Variants in ACTN4 observed in about 807,000 individuals in gnomAD.
ACTN4 encodes alpha-actinin-4.
Under a neutral mutation model 114.2 loss-of-function variants are expected in ACTN4, and 18 were observed. That is an observed-to-expected ratio of 0.16 (90% CI 0.11 to 0.23). The LOEUF (loss-of-function observed/expected upper bound fraction) is 0.23. ACTN4 is among the 10% of genes least tolerant of loss of function. The pLI, the probability that ACTN4 is intolerant of heterozygous loss-of-function variation, is 1.00. For synonymous variants in ACTN4, 515 were observed against 506.3 expected, an observed-to-expected ratio of 1.02 and a Z score of -0.23; for missense variants, 722 against 1,262.9, an observed-to-expected ratio of 0.57 and a Z score of 6.49.
chr19:38,712,231 A>G (rs1832962858), intron 8 of ACTN4, among the ~76,000 whole-genome samples: 1 of 151,842 alleles, frequency 6.6e-6, no homozygotes, highest in African/African-American at 2.4e-5. Flanking sequence ...GGAAACAGCT[A>G]TTCCTAAAAC....
Position 38,724,711 on chromosome 19 carries a change from C to T in ACTN4, c.2010+146C>T. On this transcript the variant is annotated intron_variant, in intron 16 of 20. Coordinates refer to ENST00000252699, the MANE Select transcript of ACTN4 (RefSeq NM_004924.6). This position sits in a 1 kb window ranked among gnomAD's most constrained non-coding sequence, Gnocchi z 7.0. ...TCACCACCCAGGGGCCGTGATCACC[C>T]TGCGGGGTTAGGAGAGTCCACAGAG... The T allele has an allele frequency of 2.2e-6, 3 of 1,392,448 alleles. No homozygotes were observed. The highest frequency in any genetic ancestry group is 3.0e-6 in the Non-Finnish European group (3 of 1,011,094). 86.3% of individuals were successfully genotyped at this position (1,392,448 alleles called of 1,614,324 possible). A position where few individuals can be genotyped will look rare whatever the true frequency, so the allele number is the denominator to read the frequency against.
chr19:38,730,937 G>A lies in ACTN4; in HGVS notation c.*1505G>A. On this transcript the variant is annotated 3_prime_UTR_variant, in exon 21 of 21. Coordinates refer to ENST00000252699, the MANE Select transcript of ACTN4 (RefSeq NM_004924.6). The stretch of plus-strand genomic sequence containing the variant: ...AGGGAGCTCGCAGGACAGAGCCTGA[G>A]CCACCCTGTCCCTCCCACCTGGCTC... 2.6e-6 allele frequency: 4 copies of A among 1,550,516 alleles called. No homozygotes were observed. The highest frequency in any genetic ancestry group is 1.2e-5 in the South Asian group (1 of 84,076).
In ACTN4 at chr19:38,724,277, C is replaced by T; in HGVS notation, c.1813C>T (p.Leu605=). 1 of 1,613,954 alleles carries T rather than the reference C, an allele frequency of 6.2e-7. No individual in the cohort carries two copies. Among genetic ancestry groups the T allele is most frequent in the African/African-American group, 1.3e-5 (1 of 75,068 alleles). The change falls in exon 15 of 21, where the codon CTG becomes TTG. Residue 605 remains leucine (L), a synonymous_variant. Coordinates refer to ENST00000252699, the MANE Select transcript of ACTN4 (RefSeq NM_004924.6). This position sits in a 1 kb window ranked among gnomAD's most constrained non-coding sequence, Gnocchi z 7.0. The part of the protein sequence containing the change: ...QRIAESNHIK[L]SGSNPYTTVT... ...GATCGCTGAGAGCAACCACATCAAG[C>T]TGTCGGGCAGCAACCCCTACACCAC...
intron 12 of ACTN4, chr19:38,721,903 T>A: frequency 1.4e-6 from 1 of 697,842 alleles, no homozygotes; most frequent in Non-Finnish European, 2.5e-6. Context: ...CCTGAAGGAT[T>A]TGGATTCTCT....
chr19:38,730,619 T>A lies in ACTN4; in HGVS notation c.*1187T>A. The A allele has an allele frequency of 3.3e-6, 2 of 605,270 alleles. No homozygotes were observed. The highest frequency in any genetic ancestry group is 3.9e-5 in the South Asian group (2 of 51,400). 37.5% of individuals were successfully genotyped at this position (605,270 alleles called of 1,614,324 possible). ...GGGCAGAGCTAGCACTGTCTTAAGC[T>A]GTCAACGTGGACTAGCTCGTGTCAT... On this transcript the variant is annotated 3_prime_UTR_variant, in exon 21 of 21. Transcript: ENST00000252699.
intron 1 of ACTN4, among the ~76,000 whole-genome samples, chr19:38,649,631 G>A (rs1976499375): frequency 6.6e-6 from 1 of 152,122 alleles, no homozygotes; most frequent in African/African-American, 2.4e-5. Flanking sequence ...TGAAGGTTTG[G>A]GAGAGTGAGT....
chr19:38,667,060 C>T (rs1423168536), intron 1 of ACTN4, among the ~76,000 whole-genome samples: 1 of 152,094 alleles, frequency 6.6e-6, no homozygotes, highest in Non-Finnish European at 1.5e-5. Context: ...TTAAGGTGCT[C>T]ATTAAAAGTG....
intron 1 of ACTN4, among the ~76,000 whole-genome samples, chr19:38,667,175 G>A (rs1966988659): frequency 2.0e-5 from 3 of 152,198 alleles, no homozygotes; most frequent in Admixed American, 1.3e-4. Flanking sequence ...TCAAGGCACA[G>A]GACTAGTTTC....
chr19:38,665,518 C>T (rs919403296), intron 1 of ACTN4, among the ~76,000 whole-genome samples: 4 of 152,198 alleles, frequency 2.6e-5, no homozygotes, highest in South Asian at 2.1e-4. Flanking sequence ...TGCTGAAATA[C>T]GCAGCTCAGT....
At chr19:38,691,638 C>G (rs900643160) in intron 1 of ACTN4, among the ~76,000 whole-genome samples, 11 of 152,208 alleles carry the variant, frequency 7.2e-5, no homozygotes, top group African/African-American at 2.6e-4. Flanking sequence ...CGCGGTGGCT[C>G]ACGCCTGTAA....
chr19:38,722,951 G>C (rs566266135), intron 12 of ACTN4, among the ~76,000 whole-genome samples: 1 of 152,336 alleles, frequency 6.6e-6, no homozygotes, highest in East Asian at 1.9e-4. Flanking sequence ...GAATTACAGA[G>C]GCCTGTGGAC....
chr19:38,679,568 C>CGTGTGTGTGTGTGTGTGTGTGTGT (rs10583743), intron 1 of ACTN4, among the ~76,000 whole-genome samples: 15 of 145,524 alleles, frequency 1.0e-4, no homozygotes, highest in South Asian at 2.2e-4. Context: ...TTTGGGTGTG[C>CGTGTGTGTGTGTGTGTGTGTGTGT]GTGTGTGTGT....
At chr19:38,649,223 A>C (rs1258244808) in intron 1 of ACTN4, among the ~76,000 whole-genome samples, 4 of 133,596 alleles carry the variant, frequency 3.0e-5, no homozygotes, top group Non-Finnish European at 4.7e-5. Flanking sequence ...CAGCAGTGAA[A>C]AGGTGATCAG....
chr19:38,701,335 C>T (rs1223805311), intron 3 of ACTN4, among the ~76,000 whole-genome samples: 4 of 152,222 alleles, frequency 2.6e-5, no homozygotes, highest in African/African-American at 9.6e-5. Flanking sequence ...ATCCGGTGGG[C>T]GCAGTCCAAA....
At chr19:38,687,482 A>G (rs533743847) in intron 1 of ACTN4, among the ~76,000 whole-genome samples, 4 of 152,326 alleles carry the variant, frequency 2.6e-5, no homozygotes, top group Non-Finnish European at 4.4e-5. Context: ...CCATACATCT[A>G]TTGTCAATTG....
At position 38,721,518 on chromosome 19, in the gene ACTN4, C is replaced by T. The variant is rs760263973; in HGVS notation, c.1292-20C>T. 2.5e-6 allele frequency: 4 copies of T among 1,613,396 alleles called. No homozygotes were observed. Among genetic ancestry groups the T allele is most frequent in the Non-Finnish European group, 2.5e-6 (3 of 1,180,010 alleles). On this transcript the variant is annotated intron_variant, in intron 11 of 20. Transcript: ENST00000252699. ...CACAGCTGCCGTGCTGTGGTCTAAG[C>T]GTCTCTCTGCTCCTACCAGGGAAGG...
chr19:38,692,978 G>T (rs888804828), intron 1 of ACTN4, among the ~76,000 whole-genome samples: 7 of 152,162 alleles, frequency 4.6e-5, no homozygotes, highest in African/African-American at 1.7e-4. Context: ...AGGGAGCTCC[G>T]TCTGGCCTCC....
At chr19:38,675,561 A>C (rs1012834323) in intron 1 of ACTN4, among the ~76,000 whole-genome samples, 2 of 152,114 alleles carry the variant, frequency 1.3e-5, no homozygotes, top group African/African-American at 2.4e-5. Flanking sequence ...TAAGCCCAGA[A>C]ATTTCTTTCA....
intron 7 of ACTN4, among the ~76,000 whole-genome samples, chr19:38,709,825 CCT>C (rs1968583837): frequency 6.6e-6 from 1 of 152,172 alleles, no homozygotes; most frequent in Non-Finnish European, 1.5e-5. Flanking sequence ...GCAACCCTGG[CCT>C]CTCCCTCCCT....
Sources: gnomAD v4.1 joint callset for allele counts (sites outside exome capture counted in the v4.1 genomes callset) on GRCh38, gnomAD v4.1.1 for gene constraint, Gnocchi (gnomAD v3.1) non-coding constraint, MANE v1.5 for transcripts, NCBI Gene and HGNC (gene_info 2026-07-23, HGNC 2026-07-21) for gene names.